ADAMTS9: variants seen among roughly 807,000 people sequenced by gnomAD.
ADAMTS9 encodes the protein A disintegrin and metalloproteinase with thrombospondin motifs 9.
Under a neutral mutation model 257.1 loss-of-function variants are expected in ADAMTS9, and 107 were observed. The observed-to-expected ratio is 0.42, with a 90% CI of 0.36 to 0.49. The LOEUF (loss-of-function observed/expected upper bound fraction) is 0.49, where lower values mean the gene tolerates loss of function less well. ADAMTS9 is among the 20% of genes least tolerant of loss of function. The probability of loss-of-function intolerance (pLI) is 0.03; values close to 1 mark genes in which losing one functional copy is unlikely to be tolerated. For missense variants in ADAMTS9, 2,353 were observed against 2,469.1 expected (o/e 0.95, Z 1.00); for synonymous variants, 982 against 880.9 (o/e 1.11, Z -2.03).
intron 28 of ADAMTS9, among the ~76,000 whole-genome samples, chr3:64,572,376 C>T (rs1559770550): frequency 1.3e-5 from 2 of 152,280 alleles, no homozygotes; most frequent in Admixed American, 6.5e-5. Context: ...AAGACATGGG[C>T]CGTCTGTTCT....
intron 39 of ADAMTS9, among the ~76,000 whole-genome samples, chr3:64,517,416 G>GTTGTTTTTTTTTTTTTTTT (rs2082789208): frequency 1.9e-5 from 1 of 52,638 alleles, no homozygotes; most frequent in Non-Finnish European, 3.8e-5. Flanking sequence ...ATTAAAAATG[G>GTTGTTTTTTTTTTTTTTTT]TTTTTTTTTT....
intron 6 of ADAMTS9, 57 bp downstream of exon 6, chr3:64,655,519 A>G (rs1701046121): frequency 7.2e-7 from 1 of 1,392,644 alleles, no homozygotes; most frequent in Non-Finnish European, 1.0e-6. Flanking sequence ...ATGCATGACC[A>G]CATCCCATCA....
At chr3:64,531,638 T>C (rs562294735) in intron 38 of ADAMTS9, among the ~76,000 whole-genome samples, 1 of 152,176 alleles carries the variant, frequency 6.6e-6, no homozygotes, top group Non-Finnish European at 1.5e-5. Context: ...AGCTAATTTT[T>C]AAAGTTTTTG....
At chr3:64,661,855 ATAGT>A (rs1701230828) in intron 3 of ADAMTS9, among the ~76,000 whole-genome samples, 1 of 152,130 alleles carries the variant, frequency 6.6e-6, no homozygotes, top group East Asian at 1.9e-4. Flanking sequence ...TTGATTTATT[ATAGT>A]AAGTAAAGTG....
intron 10 of ADAMTS9, among the ~76,000 whole-genome samples, chr3:64,648,667 T>C (rs1700856797): frequency 6.6e-6 from 1 of 152,224 alleles, no homozygotes; most frequent in Non-Finnish European, 1.5e-5. Context: ...AACTACCCAG[T>C]CTTTTCTGTA....
intron 31 of ADAMTS9, among the ~76,000 whole-genome samples, chr3:64,549,495 T>C (rs1021321111): frequency 3.3e-5 from 5 of 152,156 alleles, no homozygotes; most frequent in African/African-American, 1.2e-4. Context: ...TCATTTGGAT[T>C]CCACATGTTC....
intron 19 of ADAMTS9, among the ~76,000 whole-genome samples, 199 bp from the exon 20 acceptor site, chr3:64,616,369 A>T (rs1019686746): frequency 3.9e-5 from 6 of 152,202 alleles, no homozygotes; most frequent in Non-Finnish European, 7.3e-5. Flanking sequence ...GCCAATGTAC[A>T]TAGAAGTCAC....
At chr3:64,547,055 G>A (rs1251849703) in intron 31 of ADAMTS9, 103 bp from the exon 32 acceptor site, 11 of 1,026,390 alleles carry the variant, frequency 1.1e-5, no homozygotes, top group South Asian at 3.3e-5. Context: ...TGACTATGCT[G>A]CAGAAAGCTC....
chr3:64,601,151 G>T (rs2084452757), intron 26 of ADAMTS9, among the ~76,000 whole-genome samples: 1 of 151,926 alleles, frequency 6.6e-6, no homozygotes, highest in Admixed American at 6.6e-5. Flanking sequence ...CTAATTTGAA[G>T]GACAATGATA....
rs2083186304 is a variant in ADAMTS9 at position 64,545,574 on chromosome 3, C to A, written c.5064+1184G>T. On this transcript the variant is annotated intron_variant, in intron 32 of 39. Transcript: ENST00000498707. ...ACTGAACAATGAGAACACTTGGACA[C>A]AGGGTGGGGAACATCACATACCGGG... is the stretch of plus-strand genomic sequence containing the variant. 2.0e-5 allele frequency among the ~76,000 whole-genome samples: 3 copies of A among 151,896 alleles called. 1 individual carries two copies. In the South Asian group the frequency reaches 6.3e-4, roughly 32 times the overall value.
chr3:64,617,150 C>T (rs922547785), intron 19 of ADAMTS9, among the ~76,000 whole-genome samples: 1 of 152,164 alleles, frequency 6.6e-6, no homozygotes, highest in Non-Finnish European at 1.5e-5. Flanking sequence ...CATCCTGTCA[C>T]AGTGTAGTGG....
intron 31 of ADAMTS9, among the ~76,000 whole-genome samples, chr3:64,549,203 G>T (rs1011243187): frequency 6.6e-6 from 1 of 152,154 alleles, no homozygotes; most frequent in African/African-American, 2.4e-5. Context: ...CCATAAATTT[G>T]CAGACTTTTC....
intron 11 of ADAMTS9, among the ~76,000 whole-genome samples, chr3:64,644,972 T>C (rs530034480): frequency 1.5e-4 from 23 of 152,302 alleles, no homozygotes; most frequent in African/African-American, 5.1e-4. Context: ...CTCAGTAATA[T>C]GACCATTGAC....
chr3:64,656,029 T>C (rs1392540572), intron 4 of ADAMTS9, 154 bp from the exon 5 acceptor site: 3 of 529,750 alleles, frequency 5.7e-6, no homozygotes, highest in Non-Finnish European at 1.0e-5. Flanking sequence ...CAACACTTTT[T>C]GTAAAGTCTC....
At chr3:64,678,103 G>A (rs888600317) in intron 3 of ADAMTS9, among the ~76,000 whole-genome samples, 6 of 152,168 alleles carry the variant, frequency 3.9e-5, no homozygotes, top group Non-Finnish European at 7.3e-5. Context: ...GTAACTAAAG[G>A]GTTACACTGA....
chr3:64,616,412 G>A (rs1057352707), intron 19 of ADAMTS9, among the ~76,000 whole-genome samples: 4 of 152,144 alleles, frequency 2.6e-5, no homozygotes, highest in African/African-American at 9.7e-5. Context: ...CCTTTGTGAT[G>A]ATTTTACCCC....
At chr3:64,543,966 C>T (rs1400753031) in intron 32 of ADAMTS9, among the ~76,000 whole-genome samples, 1 of 152,212 alleles carries the variant, frequency 6.6e-6, no homozygotes, top group African/African-American at 2.4e-5. Context: ...CATTCTTATA[C>T]ACCAATAACA....
chr3:64,583,332 T>G (rs1443997193), intron 28 of ADAMTS9: 1 of 152,204 alleles, frequency 6.6e-6, no homozygotes, highest in Non-Finnish European at 1.5e-5. Flanking sequence ...CTTGAAAACC[T>G]TTCTTCGATT....
chr3:64,601,971 G>T lies in ADAMTS9; in HGVS notation c.3990C>A (p.Asn1330Lys). 1.2e-6 allele frequency: 2 copies of T among 1,612,346 alleles called. No individual in the cohort carries two copies. The highest frequency in any genetic ancestry group is 1.7e-6 in the Non-Finnish European group (2 of 1,178,994). ...CTCCCCAGGGGCCAGTTCTCCACTG[G>T]TTTCCACCGAGCACATGGGTGCGGC... ...SPSRTHVLGG[N>K]QWRTGPWGAC... is the part of the protein sequence containing the mutation. The change falls in exon 26 of 40, where the codon AAC becomes AAA. Residue 1330 changes from asparagine (N) to lysine (K), a missense_variant. This residue lies in a region of ADAMTS9 where 1,402 missense variants were observed against 1,441.4 expected (regional missense o/e 0.97). Transcript: ENST00000498707.
Sources: allele counts gnomAD v4.1 joint callset (sites outside exome capture counted in the v4.1 genomes callset), GRCh38; gene constraint gnomAD v4.1.1; regional missense constraint gnomAD v4.1.1; transcripts MANE v1.5; gene names NCBI Gene and HGNC (gene_info 2026-07-23, HGNC 2026-07-21).